The following ARL6IP6 variants were observed in gnomAD, a reference collection of about 807,000 sequenced individuals.
ARL6IP6 encodes ARF like GTPase 6 interacting protein 6.
ARL6IP6 carries 22 observed loss-of-function variants against 21.5 expected under a neutral mutation model. That is an observed-to-expected ratio of 1.02 (90% CI 0.73 to 1.46). The LOEUF is 1.46. ARL6IP6 is among the 40% of genes most tolerant of loss of function. ARL6IP6 has a pLI of 0.00. For missense variants in ARL6IP6, 388 were observed against 299.8 expected, an observed-to-expected ratio of 1.29 and a Z score of -2.17; for synonymous variants, 164 against 125.3, an observed-to-expected ratio of 1.31 and a Z score of -2.06.
rs1329991296 is a variant in ARL6IP6, at chr2:152,759,810, T to A, written c.651T>A (p.Ala217=). 1 of 1,613,550 alleles carries A rather than the reference T, an allele frequency of 6.2e-7. No individual in the cohort carries two copies. The highest frequency in any genetic ancestry group is 1.1e-5 in the South Asian group (1 of 91,060). Residue 217 remains alanine, a synonymous_variant, in exon 4 of 4, where the codon GCT becomes GCA. Transcript: ENST00000326446. ...YSMAILNGIV[A]ALTVAWCLM The stretch of plus-strand genomic sequence containing the variant: ...TGGCGATTTTGAATGGCATCGTAGC[T>A]GCTCTTACTGTAGCATGGTGCCTCA...
rs141565512 is a variant in ARL6IP6, at chr2:152,732,252, C to T, written c.455-2742C>T. 1.4e-4 allele frequency among the ~76,000 whole-genome samples: 22 copies of T among 152,088 alleles called. No homozygotes were observed. The East Asian group carries it at 4.0e-3, about 28-fold the overall frequency. ...TATATGTGCATCATTTTAACAGATA[C>T]TGCCAAACTGCTCTCCATAGAAATT... On this transcript the variant is annotated intron_variant, in intron 2 of 3. Coordinates refer to ENST00000326446, the MANE Select transcript of ARL6IP6 (RefSeq NM_152522.7).
intron 3 of ARL6IP6, among the ~76,000 whole-genome samples, chr2:152,739,207 G>T (rs1032935296): frequency 1.3e-5 from 2 of 151,932 alleles, no homozygotes; most frequent in South Asian, 2.1e-4. Flanking sequence ...GGATGGTCTC[G>T]ATCTCCTGAC....
In ARL6IP6 at chr2:152,745,999, A is replaced by AC. The variant is rs1701026047; in HGVS notation, c.587+10875dup. ...TACAGCTAATGAGTGCTTGCTTTGT[A>AC]CCTTTTTTTTTTTTTTTTTTTTTTT... is the stretch of plus-strand genomic sequence containing the variant. On this transcript the variant is annotated intron_variant, in intron 3 of 3. Coordinates refer to ENST00000326446, the MANE Select transcript of ARL6IP6 (RefSeq NM_152522.7). Among the ~76,000 whole-genome samples the AC allele has an allele frequency of 1.3e-4, 9 of 68,848 alleles. No individual in the cohort carries two copies. The South Asian group carries it at 4.0e-3, about 31-fold the overall frequency. 45.2% of individuals were successfully genotyped at this position (68,848 alleles called of 152,430 possible).
Position 152,718,724 on chromosome 2 carries a change from G to T in ARL6IP6, c.100G>T (p.Gly34Trp). The T allele has an allele frequency of 6.2e-7, 1 of 1,610,294 alleles. No homozygotes were observed. The highest frequency in any genetic ancestry group is 8.5e-7 in the Non-Finnish European group (1 of 1,178,370). ...GCCATCGTATTCCTCCTTTACTCAG[G>T]GGGACAGCTGGGGTGAAGGCGAAGT... ...ARPSYSSFTQ[G>W]DSWGEGEVDE... The change falls in exon 1 of 4, where the codon GGG becomes TGG. Residue 34 changes from glycine to tryptophan, a missense_variant. By Grantham distance (184) the Gly-to-Trp change is radical (BLOSUM62 -2). Coordinates refer to ENST00000326446, the MANE Select transcript of ARL6IP6 (RefSeq NM_152522.7).
chr2:152,719,435 T>G (rs1001655369), intron 1 of ARL6IP6, among the ~76,000 whole-genome samples: 7 of 152,180 alleles, frequency 4.6e-5, no homozygotes, highest in African/African-American at 1.7e-4. Flanking sequence ...CACCAATTCC[T>G]CTACACAGAA....
Position 152,719,086 on chromosome 2 carries a change from G to T in ARL6IP6, c.400+62G>T. On this transcript the variant is annotated intron_variant, in intron 1 of 3. Transcript: ENST00000326446. ...AAAGTTGAGCCAGGGTGTGGCTCTC[G>T]TCTCCACCCATCTCCCTTTCCCTCG... is the stretch of plus-strand genomic sequence containing the variant. 8 of 1,437,584 alleles carry T rather than the reference G, an allele frequency of 5.6e-6. No individual in the cohort carries two copies. In the South Asian group the frequency reaches 7.6e-5, roughly 14 times the overall value. The allele number at this position is 1,437,584 out of a possible 1,614,324, so 89.1% of individuals were successfully genotyped here.
Position 152,760,795 on chromosome 2 carries a change from G to C in ARL6IP6, c.*955G>C, listed in dbSNP as rs1369146156. 1.3e-5 allele frequency: 2 copies of C among 151,502 alleles called. No individual in the cohort carries two copies. The highest frequency in any genetic ancestry group is 2.9e-5 in the Non-Finnish European group (2 of 67,848). The allele number at this position is 151,502 out of a possible 1,614,324, so 9.4% of individuals were successfully genotyped here. A position where few individuals can be genotyped will look rare whatever the true frequency, so the allele number is the denominator to read the frequency against. ...TATGTGAGAATGATTGAACTAGTTT[G>C]TTCTTAATCTCAAAAATTTAGTTAC... On this transcript the variant is annotated 3_prime_UTR_variant, in exon 4 of 4. Coordinates refer to ENST00000326446, the MANE Select transcript of ARL6IP6 (RefSeq NM_152522.7).
At chr2:152,734,873 T>G in intron 2 of ARL6IP6, 121 bp from the exon 3 acceptor site, 1 of 1,053,872 alleles carries the variant, frequency 9.5e-7, no homozygotes. Flanking sequence ...TCTCTTAAAA[T>G]ATCAGATCCA....
At chr2:152,752,769 G>A (rs767214708) in intron 3 of ARL6IP6, among the ~76,000 whole-genome samples, 7 of 152,160 alleles carry the variant, frequency 4.6e-5, no homozygotes, top group Admixed American at 6.5e-5. Flanking sequence ...AAGGTTGTAG[G>A]GAGAATAATA....
At chr2:152,719,115 T>G (rs1699539669) in intron 1 of ARL6IP6, 91 bp downstream of exon 1, 1 of 1,375,520 alleles carries the variant, frequency 7.3e-7, no homozygotes, top group Non-Finnish European at 9.5e-7. Context: ...TCCCTCGCGC[T>G]AAGCCCTCAG....
At chr2:152,717,956 AG>A (rs1699248069), upstream of ARL6IP6, 1 of 1,005,236 alleles carries the variant, frequency 9.9e-7, no homozygotes. Context: ...AGGCGAAAGG[AG>A]GGGTTCGGAG....
At position 152,761,992 on chromosome 2, in the gene ARL6IP6, T is replaced by TGA. The variant is rs1317673424; in HGVS notation, c.*2152_*2153insGA. 1.3e-5 allele frequency among the ~76,000 whole-genome samples: 2 copies of TGA among 152,198 alleles called. No individual in the cohort carries two copies. The highest frequency in any genetic ancestry group is 4.8e-5 in the African/African-American group (2 of 41,440). Reference sequence around the variant, plus strand: ...TGGAATCCTAATTCTTCTGGACTGTTACTCCCCTTTTTTGGGAAATGACCC... The same window carrying TGA: ...TGGAATCCTAATTCTTCTGGACTGTTGAACTCCCCTTTTTTGGGAAATGACCC... On this transcript the variant is annotated 3_prime_UTR_variant, in exon 4 of 4. Coordinates refer to ENST00000326446, the MANE Select transcript of ARL6IP6 (RefSeq NM_152522.7).
intron 2 of ARL6IP6, among the ~76,000 whole-genome samples, chr2:152,731,361 TACAA>T (rs1392263210): frequency 6.6e-6 from 1 of 152,210 alleles, no homozygotes; most frequent in Non-Finnish European, 1.5e-5. Context: ...TCACAAGATT[TACAA>T]ACAGTCCATT....
intron 3 of ARL6IP6, among the ~76,000 whole-genome samples, chr2:152,753,922 C>T (rs1376725073): frequency 2.6e-5 from 4 of 151,776 alleles, no homozygotes; most frequent in Admixed American, 6.6e-5. Flanking sequence ...AAGATGGTCT[C>T]GATCTCCTGA....
chr2:152,718,377 C>T (rs745976953), upstream of ARL6IP6: 10 of 445,644 alleles, frequency 2.2e-5, no homozygotes, highest in Non-Finnish European at 3.7e-5. Flanking sequence ...CTCGCTTCTC[C>T]CTGCGCGCTT....
At chr2:152,730,857 G>A (rs1700276669) in intron 2 of ARL6IP6, among the ~76,000 whole-genome samples, 1 of 152,162 alleles carries the variant, frequency 6.6e-6, no homozygotes. Flanking sequence ...TATACTCCCT[G>A]TGTGGTTTTG....
intron 3 of ARL6IP6, among the ~76,000 whole-genome samples, chr2:152,754,315 T>TC (rs1701478066): frequency 9.0e-6 from 1 of 110,636 alleles, no homozygotes; most frequent in Non-Finnish European, 2.1e-5. Flanking sequence ...ATCGTACAGA[T>TC]TTTTTTTTAA....
At chr2:152,717,913 G>T (rs1699239310), upstream of ARL6IP6, 6 of 1,003,584 alleles carry the variant, frequency 6.0e-6, no homozygotes, top group African/African-American at 1.7e-5. Context: ...ATGCGCGCGC[G>T]CGGTGCTCGA....
At chr2:152,729,055 C>CA (rs70974883) in intron 2 of ARL6IP6, among the ~76,000 whole-genome samples, 19,891 of 117,034 alleles carry the variant, frequency 0.17, 1,648 homozygotes, top group Middle Eastern at 0.32. Context: ...GATTCCTTCT[C>CA]AAAAAAAAAA....
Sources: gnomAD v4.1 joint callset for allele counts (sites outside exome capture counted in the v4.1 genomes callset) on GRCh38, gnomAD v4.1.1 for gene constraint, MANE v1.5 for transcripts, NCBI Gene and HGNC (gene_info 2026-07-23, HGNC 2026-07-21) for gene names.